Variants in SLC25A21 observed in about 807,000 individuals in gnomAD.
SLC25A21 encodes the protein solute carrier family 25 member 21, also known as mitochondrial 2-oxodicarboxylate carrier.
SLC25A21 carries 47 observed loss-of-function variants against 43.8 expected under a neutral mutation model. That is an observed-to-expected ratio of 1.07 (90% CI 0.85 to 1.37). The LOEUF is 1.37. Among genes scored for constraint, SLC25A21 ranks in the 40% most tolerant of loss-of-function variants. The pLI, the probability that SLC25A21 is intolerant of heterozygous loss-of-function variation, is 0.00. For missense variants in SLC25A21, 352 were observed against 350.2 expected, an observed-to-expected ratio of 1.00 and a Z score of -0.04; for synonymous variants, 131 against 121.3, an observed-to-expected ratio of 1.08 and a Z score of -0.52.
rs150532719 is a variant in SLC25A21 at position 36,883,917 on chromosome 14, T to C, written c.71-8913A>G. 1.6e-3 allele frequency among the ~76,000 whole-genome samples: 251 copies of C among 152,304 alleles called. 2 individuals carry two copies. The highest frequency in any genetic ancestry group is 2.9e-3 in the Non-Finnish European group (194 of 68,026). ...ACATGTATAAATATACACGTATACA[T>C]TGTGGAATGATTGAGTCAAGCTAAT... is the stretch of plus-strand genomic sequence containing the variant. On this transcript the variant is annotated intron_variant, in intron 1 of 9. Coordinates refer to ENST00000331299, the MANE Select transcript of SLC25A21 (RefSeq NM_030631.4).
intron 2 of SLC25A21, among the ~76,000 whole-genome samples, chr14:36,830,296 C>T (rs756588730): frequency 6.6e-6 from 1 of 152,148 alleles, no homozygotes; most frequent in Non-Finnish European, 1.5e-5. Flanking sequence ...TACCTAAGCA[C>T]CCATCTGGAT....
At chr14:36,928,791 C>T (rs1345646862) in intron 1 of SLC25A21, among the ~76,000 whole-genome samples, 1 of 152,160 alleles carries the variant, frequency 6.6e-6, no homozygotes, top group Admixed American at 6.6e-5. Flanking sequence ...CCCCATTTTC[C>T]TGGCTAAAAA....
intron 1 of SLC25A21, among the ~76,000 whole-genome samples, chr14:36,909,501 A>T (rs761827609): frequency 7.9e-5 from 12 of 152,250 alleles, no homozygotes; most frequent in Non-Finnish European, 7.4e-5. Context: ...CAGTCTCAGA[A>T]CCTCACAGTT....
At chr14:37,060,061 C>A (rs1250161050) in intron 1 of SLC25A21, among the ~76,000 whole-genome samples, 1 of 151,876 alleles carries the variant, frequency 6.6e-6, no homozygotes, top group Non-Finnish European at 1.5e-5. Context: ...GTAACAAATT[C>A]ATGTTAAAAT....
intron 1 of SLC25A21, among the ~76,000 whole-genome samples, chr14:36,975,876 G>A (rs1311378241): frequency 2.6e-5 from 4 of 152,188 alleles, no homozygotes; most frequent in East Asian, 3.9e-4. Flanking sequence ...CAGAAGTAGA[G>A]TCACAGGAAG....
intron 2 of SLC25A21, among the ~76,000 whole-genome samples, chr14:36,842,705 G>GA: frequency 1.3e-5 from 2 of 152,228 alleles, no homozygotes; most frequent in Middle Eastern, 6.8e-3. Context: ...ATATAAGCAG[G>GA]AAAAAGAGAG....
intron 3 of SLC25A21, among the ~76,000 whole-genome samples, chr14:36,760,907 G>C (rs192593898): frequency 6.6e-6 from 1 of 151,780 alleles, no homozygotes; most frequent in Non-Finnish European, 1.5e-5. Context: ...GAGAGAGGAA[G>C]AAAGGAAAGA....
At chr14:36,898,950 C>T (rs956852989) in intron 1 of SLC25A21, among the ~76,000 whole-genome samples, 4 of 152,110 alleles carry the variant, frequency 2.6e-5, no homozygotes, top group African/African-American at 7.2e-5. Flanking sequence ...AACACAAAAA[C>T]GGTAACTATG....
At chr14:36,958,038 G>T (rs1959387600) in intron 1 of SLC25A21, among the ~76,000 whole-genome samples, 2 of 151,766 alleles carry the variant, frequency 1.3e-5, no homozygotes, top group South Asian at 4.2e-4. Flanking sequence ...AATAAAGGAA[G>T]AATATTTCAG....
intron 2 of SLC25A21, among the ~76,000 whole-genome samples, chr14:36,818,981 A>G (rs573421341): frequency 1.6e-4 from 25 of 152,298 alleles, no homozygotes; most frequent in Non-Finnish European, 2.8e-4. Flanking sequence ...GGACTTCTCC[A>G]TTGTCCTAAT....
chr14:36,833,500 G>GA (rs1343238700), intron 2 of SLC25A21, among the ~76,000 whole-genome samples: 3 of 152,152 alleles, frequency 2.0e-5, no homozygotes, highest in Admixed American at 6.5e-5. Flanking sequence ...TAGAAGTTTA[G>GA]AAAAAATGTA....
At chr14:37,048,410 G>C (rs1218043525) in intron 1 of SLC25A21, among the ~76,000 whole-genome samples, 1 of 151,820 alleles carries the variant, frequency 6.6e-6, no homozygotes, top group Non-Finnish European at 1.5e-5. Flanking sequence ...GTTTCCTAAG[G>C]AAAGCTATGA....
At chr14:36,975,464 T>C (rs779805876) in intron 1 of SLC25A21, among the ~76,000 whole-genome samples, 32 of 152,230 alleles carry the variant, frequency 2.1e-4, no homozygotes, top group Non-Finnish European at 5.9e-5. Flanking sequence ...AACAGGCTAC[T>C]ACTCCGTCTA....
At chr14:36,975,933 G>A (rs1959860452) in intron 1 of SLC25A21, among the ~76,000 whole-genome samples, 1 of 152,222 alleles carries the variant, frequency 6.6e-6, no homozygotes, top group African/African-American at 2.4e-5. Context: ...TGTAAGCAGT[G>A]CTACTGTTGC....
At chr14:37,120,749 T>G (rs542881631) in intron 1 of SLC25A21, among the ~76,000 whole-genome samples, 41 of 152,084 alleles carry the variant, frequency 2.7e-4, no homozygotes, top group Non-Finnish European at 4.9e-4. Context: ...TTTTCTCTTG[T>G]GCCCTCTTCT....
At chr14:36,885,825 G>T (rs1303613367) in intron 1 of SLC25A21, among the ~76,000 whole-genome samples, 1 of 152,162 alleles carries the variant, frequency 6.6e-6, no homozygotes, top group Non-Finnish European at 1.5e-5. Flanking sequence ...TCCCTGAGAT[G>T]CCAGTTACAA....
chr14:36,854,945 T>G, intron 2 of SLC25A21, among the ~76,000 whole-genome samples: 1 of 146,712 alleles, frequency 6.8e-6, no homozygotes, highest in African/African-American at 2.5e-5. Context: ...GGGGGGGGTA[T>G]TCTGCCATCC....
intron 6 of SLC25A21, among the ~76,000 whole-genome samples, chr14:36,716,513 T>C (rs1884142000): frequency 6.6e-6 from 1 of 152,176 alleles, no homozygotes. Flanking sequence ...CACCATGTTG[T>C]AAACCTCAAA....
intron 1 of SLC25A21, among the ~76,000 whole-genome samples, chr14:36,916,713 T>C (rs1891843010): frequency 6.6e-6 from 1 of 152,184 alleles, no homozygotes; most frequent in Non-Finnish European, 1.5e-5. Context: ...AACTACTGTG[T>C]CCACACTGTT....
Sources: gnomAD v4.1 joint callset for allele counts (sites outside exome capture counted in the v4.1 genomes callset) on GRCh38, gnomAD v4.1.1 for gene constraint, MANE v1.5 for transcripts, NCBI Gene and HGNC (gene_info 2026-07-23, HGNC 2026-07-21) for gene names.